CENPW: variants seen among roughly 807,000 people sequenced by gnomAD.
The protein encoded by CENPW is cancer-up-regulated gene 2 protein.
CENPW carries 3 observed loss-of-function variants against 11.1 expected under a neutral mutation model. That is an observed-to-expected ratio of 0.27 (90% CI 0.12 to 0.70). The LOEUF (loss-of-function observed/expected upper bound fraction) is 0.70, where lower values mean the gene tolerates loss of function less well. Ranked by LOEUF, CENPW falls within the 30% of genes least tolerant of loss-of-function variation. The pLI is 0.77. For missense variants in CENPW, 100 were observed against 105.6 expected (o/e 0.95, Z 0.23); for synonymous variants, 38 against 42.0 (o/e 0.91, Z 0.37).
chr6:126,373,738 T>C, the CENPW span, among the ~76,000 whole-genome samples: 4 of 152,214 alleles, frequency 2.6e-5, no homozygotes, highest in Non-Finnish European at 5.9e-5. Context: ...TCTTACATTA[T>C]GGTTGAGGCC....
chr6:126,459,865 G>A, the CENPW span, among the ~76,000 whole-genome samples: 1 of 151,116 alleles, frequency 6.6e-6, no homozygotes, highest in South Asian at 2.1e-4. Flanking sequence ...GCTGTTTGTA[G>A]TATTAACAAC....
chr6:126,424,996 G>A, the CENPW span, among the ~76,000 whole-genome samples: 1 of 151,908 alleles, frequency 6.6e-6, no homozygotes, highest in Non-Finnish European at 1.5e-5. Context: ...ATCCAAAAAA[G>A]GTTTGTAGGA....
At chr6:126,374,274 A>G in the CENPW span, among the ~76,000 whole-genome samples, 1 of 152,182 alleles carries the variant, frequency 6.6e-6, no homozygotes, top group African/African-American at 2.4e-5. Flanking sequence ...TAGGAAATAG[A>G]TTTTTTTAAA....
the CENPW span, among the ~76,000 whole-genome samples, chr6:126,411,169 G>C: frequency 6.6e-6 from 1 of 152,156 alleles, no homozygotes; most frequent in African/African-American, 2.4e-5. Flanking sequence ...GGGCTTATGT[G>C]TGCCAATTAG....
chr6:126,436,350 G>A, the CENPW span, among the ~76,000 whole-genome samples: 1 of 151,776 alleles, frequency 6.6e-6, no homozygotes, highest in Non-Finnish European at 1.5e-5. Flanking sequence ...GGATGTTAGT[G>A]TTATGCTACA....
At chr6:126,413,702 A>G in the CENPW span, among the ~76,000 whole-genome samples, 2 of 151,926 alleles carry the variant, frequency 1.3e-5, no homozygotes, top group Non-Finnish European at 2.9e-5. Context: ...ATAAAATCTG[A>G]TCACCATAAA....
the CENPW span, among the ~76,000 whole-genome samples, chr6:126,366,688 C>T: frequency 6.6e-6 from 1 of 152,134 alleles, no homozygotes; most frequent in East Asian, 1.9e-4. Context: ...GAGACACTAT[C>T]CCTGTACTTC....
chr6:126,376,397 G>A, the CENPW span, among the ~76,000 whole-genome samples: 1 of 152,120 alleles, frequency 6.6e-6, no homozygotes, highest in African/African-American at 2.4e-5. Context: ...TTCCTGACTT[G>A]GGATTCCAAC....
At chr6:126,400,883 A>G in the CENPW span, among the ~76,000 whole-genome samples, 1 of 152,108 alleles carries the variant, frequency 6.6e-6, no homozygotes. Context: ...TTTTCAATAG[A>G]TTATTTCTAA....
At chr6:126,433,357 T>A in the CENPW span, among the ~76,000 whole-genome samples, 838 of 152,320 alleles carry the variant, frequency 5.5e-3, 12 homozygotes, top group African/African-American at 0.019. Context: ...CCTGGTAAGC[T>A]GAATAAACCT....
chr6:126,465,801 G>A, the CENPW span, among the ~76,000 whole-genome samples: 1 of 152,012 alleles, frequency 6.6e-6, no homozygotes, highest in Admixed American at 6.6e-5. Context: ...CTGGAAAATT[G>A]TTAATATTAG....
intron 2 of CENPW, among the ~76,000 whole-genome samples, chr6:126,347,951 T>A (rs1225162792): frequency 6.6e-6 from 1 of 151,954 alleles, no homozygotes; most frequent in African/African-American, 2.4e-5. Flanking sequence ...AGATGACTAG[T>A]TTTAGTCTCA....
the CENPW span, among the ~76,000 whole-genome samples, chr6:126,438,762 A>C: frequency 2.0e-5 from 3 of 151,786 alleles, no homozygotes; most frequent in African/African-American, 7.2e-5. Flanking sequence ...AAAGATTATA[A>C]TTTTATATCA....
the CENPW span, among the ~76,000 whole-genome samples, chr6:126,480,704 T>C: frequency 6.6e-6 from 1 of 151,988 alleles, no homozygotes; most frequent in Non-Finnish European, 1.5e-5. Flanking sequence ...AGAAAATTTT[T>C]ATTTCAGAGT....
At chr6:126,479,598 G>A in the CENPW span, among the ~76,000 whole-genome samples, 1 of 152,016 alleles carries the variant, frequency 6.6e-6, no homozygotes, top group African/African-American at 2.4e-5. Context: ...AAAGCTGGTG[G>A]TGTGGGAAGT....
chr6:126,468,512 TAGAGAA>T, the CENPW span, among the ~76,000 whole-genome samples: 11 of 150,274 alleles, frequency 7.3e-5, no homozygotes, highest in Non-Finnish European at 1.3e-4. Flanking sequence ...AAAGTAACAT[TAGAGAA>T]AAACTAAAGA....
At chr6:126,357,121 C>T in the CENPW span, among the ~76,000 whole-genome samples, 1 of 151,830 alleles carries the variant, frequency 6.6e-6, no homozygotes, top group South Asian at 2.1e-4. Context: ...TTTTATATGG[C>T]GTAGGAGTGC....
the CENPW span, among the ~76,000 whole-genome samples, chr6:126,478,979 A>G: frequency 6.6e-6 from 1 of 152,030 alleles, no homozygotes; most frequent in African/African-American, 2.4e-5. Flanking sequence ...ACCTTCTCAT[A>G]TACCTCCTAC....
At chr6:126,474,133 A>G in the CENPW span, among the ~76,000 whole-genome samples, 5 of 151,390 alleles carry the variant, frequency 3.3e-5, no homozygotes, top group African/African-American at 1.2e-4. Context: ...ATATGTATAT[A>G]TATCTTTTCA....
Sources: gnomAD v4.1 joint callset for allele counts (sites outside exome capture counted in the v4.1 genomes callset) on GRCh38, gnomAD v4.1.1 for gene constraint, MANE v1.5 for transcripts, NCBI Gene and HGNC (gene_info 2026-07-23, HGNC 2026-07-21) for gene names.